TDRP: variants seen among roughly 807,000 people sequenced by gnomAD.
TDRP encodes testis development related protein, also known as testis development-related protein.
A neutral mutation model predicts 10.5 loss-of-function variants in TDRP; 12 were observed. The ratio of observed to expected loss-of-function variants is 1.15; its 90% CI spans 0.73 to 1.86. TDRP has a LOEUF of 1.86. Ranked by LOEUF, TDRP falls within the 40% of genes most tolerant of loss-of-function variation. TDRP has a pLI of 0.00. For missense variants in TDRP, 353 were observed against 229.2 expected, an observed-to-expected ratio of 1.54 and a Z score of -3.49; for synonymous variants, 139 against 95.4, an observed-to-expected ratio of 1.46 and a Z score of -2.67.
Position 492,060 on chromosome 8 carries a change from AAC to A in TDRP, c.*337_*338del, listed in dbSNP as rs1365567559. The A allele has an allele frequency of 4.4e-6, 5 of 1,143,284 alleles. No homozygotes were observed. The African/African-American group carries it at 8.0e-5, about 18-fold the overall frequency. The allele number at this position is 1,143,284 out of a possible 1,614,324, so 70.8% of individuals were successfully genotyped here. ...TACGGAAGTTCTGAAACAGAACTACAACACAGAGCAGCATGAAAATCATTTTG... is the reference window on the plus strand; with the variant it reads ...TACGGAAGTTCTGAAACAGAACTACAACAGAGCAGCATGAAAATCATTTTG... On this transcript the variant is annotated 3_prime_UTR_variant, in exon 3 of 3. Transcript: ENST00000324079.
intron 1 of TDRP, among the ~76,000 whole-genome samples, chr8:504,106 G>A (rs1263267686): frequency 3.3e-5 from 5 of 152,180 alleles, no homozygotes; most frequent in Non-Finnish European, 7.3e-5. Flanking sequence ...CCACGTGTCG[G>A]AACCCAGTCC....
intron 1 of TDRP, among the ~76,000 whole-genome samples, chr8:504,075 G>T (rs1316125848): frequency 6.6e-6 from 1 of 151,800 alleles, no homozygotes; most frequent in African/African-American, 2.4e-5. Flanking sequence ...ACCTCAGCAA[G>T]CACCAACACG....
intron 1 of TDRP, among the ~76,000 whole-genome samples, chr8:536,469 CAG>C (rs1802350542): frequency 6.6e-6 from 1 of 152,174 alleles, no homozygotes; most frequent in Admixed American, 6.5e-5. Context: ...TGGAAGAACT[CAG>C]ATAAAGCAAC....
chr8:500,670 T>G (rs1369137601), intron 1 of TDRP, among the ~76,000 whole-genome samples: 1 of 152,250 alleles, frequency 6.6e-6, no homozygotes, highest in Admixed American at 6.5e-5. Context: ...AGTTCTGAAT[T>G]ATCCCAATAA....
chr8:504,232 G>A (rs1357371021), intron 1 of TDRP, among the ~76,000 whole-genome samples: 3 of 152,192 alleles, frequency 2.0e-5, no homozygotes, highest in Admixed American at 6.5e-5. Context: ...GTTAATTTCT[G>A]CAAACATATC....
Position 542,290 on chromosome 8 carries a change from CTG to C in TDRP, c.108+2358_108+2359del, listed in dbSNP as rs891906731. Among the ~76,000 whole-genome samples the C allele has an allele frequency of 1.4e-3, 219 of 152,258 alleles. 1 individual carries two copies. Among genetic ancestry groups the C allele is most frequent in the African/African-American group, 4.9e-3 (203 of 41,552 alleles). The stretch of plus-strand genomic sequence containing the variant: ...GAGGGTCTCTAAGGCAGCAAAACTC[CTG>C]TGTGTGACACTACAATGGTGGGCAA... On this transcript the variant is annotated intron_variant, in intron 1 of 2. Coordinates refer to ENST00000324079, the MANE Select transcript of TDRP (RefSeq NM_001384899.1).
In TDRP at chr8:540,988, T is replaced by C. The variant is rs566571216; in HGVS notation, c.108+3662A>G. Among the ~76,000 whole-genome samples the C allele has an allele frequency of 1.2e-4, 18 of 152,294 alleles. No homozygotes were observed. The East Asian group carries it at 3.1e-3, about 26-fold the overall frequency. On this transcript the variant is annotated intron_variant, in intron 1 of 2. Coordinates refer to ENST00000324079, the MANE Select transcript of TDRP (RefSeq NM_001384899.1). ...ACAAAAGACCAAGAATGAAACAGAA[T>C]TGAGAACTTCTAACATGACAGTGAA...
chr8:509,015 G>A (rs1367368826), intron 1 of TDRP, among the ~76,000 whole-genome samples: 1 of 152,228 alleles, frequency 6.6e-6, no homozygotes, highest in African/African-American at 2.4e-5. Flanking sequence ...ACATCTTAAA[G>A]CTCCAAAATA....
intron 1 of TDRP, among the ~76,000 whole-genome samples, chr8:526,044 T>G (rs1327892317): frequency 6.6e-6 from 1 of 152,246 alleles, no homozygotes; most frequent in African/African-American, 2.4e-5. Flanking sequence ...TATGTATTTC[T>G]TCTAGATTTT....
chr8:539,967 G>T (rs930683276), intron 1 of TDRP, among the ~76,000 whole-genome samples: 2 of 152,118 alleles, frequency 1.3e-5, no homozygotes, highest in African/African-American at 2.4e-5. Flanking sequence ...TTTTAAATTT[G>T]TAAGTGAAAA....
chr8:538,534 C>G (rs1214644893), intron 1 of TDRP, among the ~76,000 whole-genome samples: 1 of 152,138 alleles, frequency 6.6e-6, no homozygotes, highest in Non-Finnish European at 1.5e-5. Context: ...AATTTTACAG[C>G]TAAAAAACAA....
chr8:524,174 C>A (rs1801977336), intron 1 of TDRP, among the ~76,000 whole-genome samples: 1 of 152,190 alleles, frequency 6.6e-6, no homozygotes, highest in Admixed American at 6.5e-5. Context: ...TGGGAATTAT[C>A]CTGGATCTTA....
At chr8:538,993 G>C (rs1802419968) in intron 1 of TDRP, among the ~76,000 whole-genome samples, 1 of 152,164 alleles carries the variant, frequency 6.6e-6, no homozygotes, top group Non-Finnish European at 1.5e-5. Flanking sequence ...TCCACTTCTA[G>C]ACTTGTGAAA....
chr8:495,233 C>T (rs548768919), intron 1 of TDRP, among the ~76,000 whole-genome samples: 1 of 152,130 alleles, frequency 6.6e-6, no homozygotes, highest in South Asian at 2.1e-4. Flanking sequence ...GACCCCATCT[C>T]AAAAAACAAA....
At chr8:533,196 C>G (rs1802254044) in intron 1 of TDRP, among the ~76,000 whole-genome samples, 1 of 152,178 alleles carries the variant, frequency 6.6e-6, no homozygotes, top group South Asian at 2.1e-4. Context: ...ACATTTTTGA[C>G]AGTGTCACAA....
rs1800973515 is a variant in TDRP, at chr8:491,546, T to A, written c.*853A>T. On this transcript the variant is annotated 3_prime_UTR_variant, in exon 3 of 3. Transcript: ENST00000324079. ...GCATCTCGCTTTGCAAGAACAAACA[T>A]ATGAGCCTAATAAAAAAGAGGCACT... 1.4e-6 allele frequency: 2 copies of A among 1,428,572 alleles called. No individual in the cohort carries two copies. The highest frequency in any genetic ancestry group is 1.9e-6 in the Non-Finnish European group (2 of 1,074,482). 88.5% of individuals were successfully genotyped at this position (1,428,572 alleles called of 1,614,324 possible).
chr8:544,115 T>C (rs756249660), intron 1 of TDRP, among the ~76,000 whole-genome samples: 3 of 152,200 alleles, frequency 2.0e-5, no homozygotes, highest in Non-Finnish European at 4.4e-5. Flanking sequence ...AGAAAATACT[T>C]GTTATGCAAA....
At chr8:506,132 C>T (rs1801459205) in intron 1 of TDRP, among the ~76,000 whole-genome samples, 1 of 152,150 alleles carries the variant, frequency 6.6e-6, no homozygotes, top group South Asian at 2.1e-4. Flanking sequence ...AACGAATACT[C>T]CAGATTTCCC....
intron 1 of TDRP, among the ~76,000 whole-genome samples, chr8:520,920 T>C (rs1323115106): frequency 6.6e-6 from 1 of 152,298 alleles, no homozygotes; most frequent in East Asian, 1.9e-4. Flanking sequence ...CTTTGTTACA[T>C]GTAAGTCTTA....
Sources: gnomAD v4.1 joint callset for allele counts (sites outside exome capture counted in the v4.1 genomes callset) on GRCh38, gnomAD v4.1.1 for gene constraint, MANE v1.5 for transcripts, NCBI Gene and HGNC (gene_info 2026-07-23, HGNC 2026-07-21) for gene names.